Variants in CNOT2 observed in about 807,000 individuals in gnomAD.
CNOT2 encodes CC chemokine receptor 4-negative regulator of transcription 2.
CNOT2 carries 7 observed loss-of-function variants against 72.1 expected under a neutral mutation model. That is an observed-to-expected ratio of 0.10 (90% CI 0.06 to 0.18). The LOEUF (loss-of-function observed/expected upper bound fraction) is 0.18. Among genes scored for constraint, CNOT2 ranks in the 10% least tolerant of loss-of-function variants. The pLI, the probability that CNOT2 is intolerant of heterozygous loss-of-function variation, is 1.00. For synonymous variants in CNOT2, 196 were observed against 225.6 expected (o/e 0.87, Z 1.17); for missense variants, 345 against 660.3 (o/e 0.52, Z 5.23).
At chr12:70,248,681 G>A (rs1289490812) in intron 1 of CNOT2, among the ~76,000 whole-genome samples, 1 of 152,020 alleles carries the variant, frequency 6.6e-6, no homozygotes. Context: ...TCTCAGAATT[G>A]CATTTTAGTA....
At chr12:70,260,586 A>C (rs144109288) in intron 1 of CNOT2, among the ~76,000 whole-genome samples, 8 of 151,902 alleles carry the variant, frequency 5.3e-5, no homozygotes, top group Middle Eastern at 3.4e-3. Context: ...TATATTTTCA[A>C]GTCTCCTGTT....
At chr12:70,305,873 G>GGTTT (rs547660975) in intron 2 of CNOT2, among the ~76,000 whole-genome samples, 1 of 60,074 alleles carries the variant, frequency 1.7e-5, no homozygotes, top group Non-Finnish European at 3.0e-5. Context: ...TCTGAAGTTT[G>GGTTT]TTTTTTTTTT....
chr12:70,266,778 G>C (rs1959065746), intron 1 of CNOT2, among the ~76,000 whole-genome samples: 1 of 151,758 alleles, frequency 6.6e-6, no homozygotes, highest in South Asian at 2.1e-4. Flanking sequence ...GCTTCTCTTT[G>C]TTTACTTTTT....
At chr12:70,317,403 G>T (rs1381494748) in intron 3 of CNOT2, among the ~76,000 whole-genome samples, 1 of 151,878 alleles carries the variant, frequency 6.6e-6, no homozygotes, top group African/African-American at 2.4e-5. Flanking sequence ...ATTTGGAAAT[G>T]AACTTTTAAT....
chr12:70,296,676 T>G (rs1259200105), intron 2 of CNOT2, among the ~76,000 whole-genome samples: 1 of 151,636 alleles, frequency 6.6e-6, no homozygotes, highest in Non-Finnish European at 1.5e-5. Context: ...TTGGTAAAGA[T>G]TTCCAGGTAT....
chr12:70,283,006 C>T (rs565266444), intron 2 of CNOT2, among the ~76,000 whole-genome samples: 6 of 152,102 alleles, frequency 3.9e-5, no homozygotes, highest in Non-Finnish European at 5.9e-5. Context: ...TAAACAGAAA[C>T]AAATGAATCA....
chr12:70,293,338 TTAA>T (rs1235909067), intron 2 of CNOT2, among the ~76,000 whole-genome samples: 3 of 152,062 alleles, frequency 2.0e-5, no homozygotes, highest in Non-Finnish European at 1.5e-5. Context: ...TTTTGTATTT[TTAA>T]TAGAGAAGGG....
intron 2 of CNOT2, among the ~76,000 whole-genome samples, chr12:70,283,461 G>T (rs577215053): frequency 2.3e-5 from 2 of 86,208 alleles, no homozygotes; most frequent in Admixed American, 2.5e-4. Context: ...CCCTCAGTCA[G>T]TCGATTGATA....
intron 2 of CNOT2, among the ~76,000 whole-genome samples, chr12:70,298,576 A>C (rs1433860357): frequency 6.6e-6 from 1 of 152,224 alleles, no homozygotes; most frequent in Non-Finnish European, 1.5e-5. Context: ...AAGCATTTAG[A>C]ATATTCCCTG....
chr12:70,253,826 G>C (rs1044757787), intron 1 of CNOT2, among the ~76,000 whole-genome samples: 1 of 152,134 alleles, frequency 6.6e-6, no homozygotes, highest in Non-Finnish European at 1.5e-5. Flanking sequence ...GACCCCAGTG[G>C]ATGCCTGAAA....
At chr12:70,315,746 T>C (rs1877223467) in intron 3 of CNOT2, among the ~76,000 whole-genome samples, 1 of 152,186 alleles carries the variant, frequency 6.6e-6, no homozygotes, top group Non-Finnish European at 1.5e-5. Flanking sequence ...CTGATTATTA[T>C]GATGATTTTA....
intron 13 of CNOT2, 101 bp downstream of exon 13, chr12:70,342,408 G>A: frequency 1.5e-6 from 2 of 1,323,160 alleles, no homozygotes; most frequent in Non-Finnish European, 2.1e-6. Flanking sequence ...AATTAGTAAT[G>A]GTCTCAGGGA....
In CNOT2 at chr12:70,262,091, CT is replaced by C. The variant is rs961988695; in HGVS notation, c.-95-16032del. Among the ~76,000 whole-genome samples the C allele has an allele frequency of 4.0e-5, 6 of 150,866 alleles. No homozygotes were observed. In the South Asian group the frequency reaches 1.0e-3, roughly 26 times the overall value. ...TCCTGTTTTTAGTACTTTGAGTTTT[CT>C]TTTTTTTTCTTTTCTTGGTCAGTTT... On this transcript the variant is annotated intron_variant, in intron 1 of 15. Transcript: ENST00000229195.
intron 2 of CNOT2, among the ~76,000 whole-genome samples, chr12:70,284,098 T>C (rs924441039): frequency 1.5e-4 from 22 of 151,708 alleles, no homozygotes; most frequent in African/African-American, 4.8e-4. Context: ...TGTGCCACCA[T>C]GCCCAGCTAA....
chr12:70,332,987 A>G (rs1156848473), intron 7 of CNOT2, 141 bp downstream of exon 7: 10 of 1,272,808 alleles, frequency 7.9e-6, no homozygotes, highest in African/African-American at 1.6e-5. Flanking sequence ...GAAAAATAGG[A>G]ATAGGATTCA....
chr12:70,321,138 T>C (rs1878233723), intron 4 of CNOT2, among the ~76,000 whole-genome samples: 1 of 151,894 alleles, frequency 6.6e-6, no homozygotes, highest in South Asian at 2.1e-4. Context: ...TCCTGTAACA[T>C]TGGTGAAGCA....
intron 1 of CNOT2, among the ~76,000 whole-genome samples, chr12:70,274,787 T>C (rs1868478622): frequency 6.6e-6 from 1 of 152,098 alleles, no homozygotes; most frequent in Non-Finnish European, 1.5e-5. Context: ...CGTGTGGCCT[T>C]TGGGGTCTGG....
chr12:70,332,558 TA>T, intron 6 of CNOT2: 1 of 717,536 alleles, frequency 1.4e-6, no homozygotes, highest in Non-Finnish European at 1.9e-6. Flanking sequence ...CTAATCTGCC[TA>T]AAATGTTCTG....
rs1287375320 is a variant in CNOT2, at chr12:70,337,507, T to C, written c.894T>C (p.Ser298=). The C allele has an allele frequency of 6.2e-7, 1 of 1,611,270 alleles. No individual in the cohort carries two copies. The highest frequency in any genetic ancestry group is 8.5e-7 in the Non-Finnish European group (1 of 1,178,176). The part of the protein sequence containing the change: ...YKDPTSSNDD[S]KSNLNTSGKT... ...ATCCAACATCAAGTAATGATGACAGTAAATCTGTAAGTAACTGAGAAGTGT... is the reference window on the plus strand; with the variant it reads ...ATCCAACATCAAGTAATGATGACAGCAAATCTGTAAGTAACTGAGAAGTGT... The change falls in exon 9 of 16, where the codon AGT becomes AGC. Residue 298 remains serine (S), a synonymous_variant. Coordinates refer to ENST00000229195, the MANE Select transcript of CNOT2 (RefSeq NM_014515.7).
Sources: gnomAD v4.1 joint callset for allele counts (sites outside exome capture counted in the v4.1 genomes callset) on GRCh38, gnomAD v4.1.1 for gene constraint, MANE v1.5 for transcripts, NCBI Gene and HGNC (gene_info 2026-07-23, HGNC 2026-07-21) for gene names.